CYRIB: variants seen among roughly 807,000 people sequenced by gnomAD.
CYRIB encodes CYFIP-related Rac1 interactor B.
Under a neutral mutation model 44.2 loss-of-function variants are expected in CYRIB, and 8 were observed. The observed-to-expected ratio is 0.18, with a 90% CI of 0.11 to 0.33. CYRIB has a LOEUF of 0.33. Ranked by LOEUF, CYRIB falls within the 10% of genes least tolerant of loss-of-function variation. The pLI is 1.00. For missense variants in CYRIB, 185 were observed against 382.8 expected (o/e 0.48, Z 4.31); for synonymous variants, 131 against 127.2 (o/e 1.03, Z -0.20).
intron 1 of CYRIB, among the ~76,000 whole-genome samples, chr8:129,922,018 C>G (rs1312655214): frequency 6.6e-6 from 1 of 152,132 alleles, no homozygotes; most frequent in African/African-American, 2.4e-5. Flanking sequence ...ACTTTGTATC[C>G]AAAGACCAAG....
chr8:129,998,206 G>A (rs537296474), intron 1 of CYRIB, among the ~76,000 whole-genome samples: 18 of 151,700 alleles, frequency 1.2e-4, no homozygotes, highest in Non-Finnish European at 2.1e-4. Context: ...CAGGACCTCA[G>A]TGTCCACATC....
intron 1 of CYRIB, among the ~76,000 whole-genome samples, chr8:130,011,790 A>G (rs1028219400): frequency 1.1e-4 from 17 of 152,074 alleles, no homozygotes; most frequent in South Asian, 4.1e-4. Context: ...CCGAGATCGC[A>G]CCACTGCACT....
At chr8:130,003,995 CAA>C (rs1400334475) in intron 1 of CYRIB, among the ~76,000 whole-genome samples, 1 of 152,056 alleles carries the variant, frequency 6.6e-6, no homozygotes, top group East Asian at 1.9e-4. Context: ...CTGCGGTAAC[CAA>C]AAAGACTCTG....
intron 1 of CYRIB, chr8:129,939,545 C>A (rs1236137150): frequency 6.6e-6 from 1 of 152,070 alleles, no homozygotes; most frequent in Non-Finnish European, 1.5e-5. Context: ...AAAATGGGGT[C>A]GCAGAGCAGG....
intron 3 of CYRIB, among the ~76,000 whole-genome samples, chr8:129,875,234 C>T (rs1409962545): frequency 1.3e-5 from 2 of 149,620 alleles, no homozygotes; most frequent in African/African-American, 4.9e-5. Flanking sequence ...GAAATTCCAA[C>T]AACTAGAAGA....
chr8:129,885,453 A>G (rs768348378), intron 2 of CYRIB, among the ~76,000 whole-genome samples: 9 of 152,214 alleles, frequency 5.9e-5, no homozygotes, highest in Non-Finnish European at 8.8e-5. Context: ...AAGGAAGGGG[A>G]AGAAAGAAAA....
At chr8:129,888,659 C>T (rs1165202236) in intron 2 of CYRIB, among the ~76,000 whole-genome samples, 1 of 152,178 alleles carries the variant, frequency 6.6e-6, no homozygotes, top group Non-Finnish European at 1.5e-5. Context: ...ACACACATTC[C>T]TGTTACTCTT....
At chr8:129,877,793 C>T (rs113960080) in intron 3 of CYRIB, among the ~76,000 whole-genome samples, 118 of 151,558 alleles carry the variant, frequency 7.8e-4, no homozygotes, top group Non-Finnish European at 1.1e-3. Context: ...TTGACCATAA[C>T]ATAATACTAG....
intron 2 of CYRIB, among the ~76,000 whole-genome samples, chr8:129,958,906 G>A (rs10481174): frequency 0.015 from 2,272 of 151,446 alleles, 18 homozygotes; most frequent in Middle Eastern, 0.044. Context: ...CTCTACTAAA[G>A]ATACAAAAAT....
chr8:129,867,385 A>G (rs2054282444), intron 4 of CYRIB, among the ~76,000 whole-genome samples: 1 of 47,284 alleles, frequency 2.1e-5, no homozygotes, highest in African/African-American at 9.0e-5. Context: ...TTGGCCTCCC[A>G]AAGTGCTAGG....
intron 1 of CYRIB, among the ~76,000 whole-genome samples, chr8:129,931,055 A>C (rs1047767106): frequency 1.3e-5 from 2 of 152,196 alleles, no homozygotes; most frequent in African/African-American, 4.8e-5. Flanking sequence ...GTTAGCTTTC[A>C]AAATAACATT....
intron 2 of CYRIB, among the ~76,000 whole-genome samples, chr8:129,959,860 A>G (rs1428113397): frequency 6.6e-6 from 1 of 152,184 alleles, no homozygotes; most frequent in African/African-American, 2.4e-5. Flanking sequence ...TCCAATCAGG[A>G]CAAAGTTCAG....
intron 2 of CYRIB, among the ~76,000 whole-genome samples, chr8:129,970,245 G>A (rs574432443): frequency 1.3e-3 from 193 of 152,240 alleles, no homozygotes; most frequent in South Asian, 4.1e-3. Context: ...CCATCCTATG[G>A]TTAAGCCTCA....
intron 2 of CYRIB, among the ~76,000 whole-genome samples, chr8:129,895,158 A>G (rs2067386263): frequency 1.4e-5 from 2 of 145,710 alleles, no homozygotes; most frequent in South Asian, 2.2e-4. Flanking sequence ...GGGCAGGGGG[A>G]ATACTGTTGT....
intron 4 of CYRIB, among the ~76,000 whole-genome samples, chr8:129,869,151 G>A (rs1490014031): frequency 4.6e-5 from 7 of 151,128 alleles, no homozygotes; most frequent in African/African-American, 1.2e-4. Flanking sequence ...TTTGGGAGGC[G>A]GAGGTGGGTG....
chr8:129,889,811 T>A (rs2064360027), intron 2 of CYRIB, among the ~76,000 whole-genome samples: 1 of 151,914 alleles, frequency 6.6e-6, no homozygotes, highest in Non-Finnish European at 1.5e-5. Flanking sequence ...TTTTTTTTTT[T>A]CTTTTGAGAC....
intron 2 of CYRIB, among the ~76,000 whole-genome samples, chr8:129,886,954 T>C (rs547894649): frequency 2.6e-5 from 4 of 152,300 alleles, no homozygotes; most frequent in African/African-American, 9.6e-5. Context: ...ATCCTTTCTC[T>C]GCTCAAAGCC....
intron 3 of CYRIB, among the ~76,000 whole-genome samples, chr8:129,877,725 T>C (rs1010149618): frequency 1.5e-4 from 23 of 149,128 alleles, no homozygotes; most frequent in Admixed American, 1.5e-3. Flanking sequence ...CTCCCACAGA[T>C]TGGAAAGCCA....
At chr8:129,999,841 C>T (rs1243704759) in intron 1 of CYRIB, among the ~76,000 whole-genome samples, 1 of 152,154 alleles carries the variant, frequency 6.6e-6, no homozygotes, top group Non-Finnish European at 1.5e-5. Context: ...GTTGCCCAGG[C>T]TGCTCTGGAA....
Sources: allele counts gnomAD v4.1 joint callset (sites outside exome capture counted in the v4.1 genomes callset), GRCh38; gene constraint gnomAD v4.1.1; transcripts MANE v1.5; gene names NCBI Gene and HGNC (gene_info 2026-07-23, HGNC 2026-07-21).